ABCA9: variants seen among roughly 807,000 people sequenced by gnomAD.
ABCA9 encodes the protein ATP-binding cassette sub-family A member 9.
ABCA9 carries 183 observed loss-of-function variants against 205.3 expected under a neutral mutation model. The ratio of observed to expected loss-of-function variants is 0.89; its 90% CI spans 0.79 to 1.01. ABCA9 has a LOEUF of 1.01. ABCA9 is among the 50% of genes least tolerant of loss of function. ABCA9 has a pLI of 0.00. For synonymous variants in ABCA9, 651 were observed against 683.3 expected (o/e 0.95, Z 0.74); for missense variants, 1,805 against 1,912.4 (o/e 0.94, Z 1.05).
At chr17:68,992,315 G>T (rs2069478840) in intron 27 of ABCA9, 49 bp from the exon 28 acceptor site, 5 of 1,152,630 alleles carry the variant, frequency 4.3e-6, no homozygotes, top group African/African-American at 1.6e-5. Flanking sequence ...TAAATGCAAT[G>T]ATTTCAATAT....
intron 22 of ABCA9, among the ~76,000 whole-genome samples, chr17:69,014,719 T>C (rs1307999133): frequency 6.6e-6 from 1 of 152,046 alleles, no homozygotes; most frequent in Non-Finnish European, 1.5e-5. Flanking sequence ...TCAGGCAGCA[T>C]GCAAGAAGCA....
At chr17:69,078,056 A>C in the ABCA9 span, among the ~76,000 whole-genome samples, 4 of 152,118 alleles carry the variant, frequency 2.6e-5, no homozygotes, top group African/African-American at 9.7e-5. Flanking sequence ...TGTTGTTAAG[A>C]GTATGCAAAA....
In ABCA9 at chr17:68,996,000, C is replaced by T. The variant is rs780684851; in HGVS notation, c.3450G>A (p.Ser1150=). The change falls in exon 26 of 39, where the codon TCG becomes TCA. Residue 1150 remains serine, a synonymous_variant. Coordinates refer to ENST00000340001, the MANE Select transcript of ABCA9 (RefSeq NM_080283.4). The part of the protein sequence containing the change: ...SFFFLIVVIF[S]IVATDLNEYG... ...ATTCATTTAGATCAGTAGCAACTAT[C>T]GAGAAGATGACCACCTAAAACAAAT... 4.3e-6 allele frequency: 7 copies of T among 1,613,480 alleles called. No individual in the cohort carries two copies. Among genetic ancestry groups the T allele is most frequent in the South Asian group, 1.1e-5 (1 of 91,070 alleles).
Position 69,021,881 on chromosome 17 carries a change from C to T in ABCA9, c.2282-20G>A. 7.2e-7 allele frequency: 1 copy of T among 1,396,504 alleles called. No homozygotes were observed. The highest frequency in any genetic ancestry group is 9.7e-7 in the Non-Finnish European group (1 of 1,030,324). 86.5% of individuals were successfully genotyped at this position (1,396,504 alleles called of 1,614,324 possible). On this transcript the variant is annotated intron_variant, in intron 17 of 38. Transcript: ENST00000340001. ...AAAGTTCTAAAAGTGGATACAAAAA[C>T]AGATTATAAGAATATAATTTATAAT...
intron 16 of ABCA9, among the ~76,000 whole-genome samples, chr17:69,025,177 AAGTTG>A (rs1222406169): frequency 9.2e-5 from 14 of 152,188 alleles, no homozygotes; most frequent in African/African-American, 3.1e-4. Context: ...AGGGAGAAGG[AAGTTG>A]AGTTAACTCA....
chr17:69,037,732 G>A (rs776228900), intron 6 of ABCA9, among the ~76,000 whole-genome samples: 9 of 151,298 alleles, frequency 5.9e-5, no homozygotes, highest in Non-Finnish European at 8.9e-5. Flanking sequence ...GAACTGAAGG[G>A]GATAGAGACA....
chr17:68,989,208 T>C, intron 30 of ABCA9, 90 bp from the exon 31 acceptor site: 1 of 752,430 alleles, frequency 1.3e-6, no homozygotes, highest in Non-Finnish European at 2.4e-6. Flanking sequence ...TCAAGTGCTA[T>C]GTGAAATGTG....
the ABCA9 span, among the ~76,000 whole-genome samples, chr17:69,067,991 T>G: frequency 3.9e-5 from 6 of 152,342 alleles, no homozygotes; most frequent in East Asian, 1.2e-3. Flanking sequence ...GGCCAGGAAA[T>G]CTAGGCCCCA....
At chr17:68,994,374 T>G (rs926861700) in intron 26 of ABCA9, among the ~76,000 whole-genome samples, 5 of 152,188 alleles carry the variant, frequency 3.3e-5, no homozygotes, top group African/African-American at 1.2e-4. Flanking sequence ...CATATTCTTT[T>G]CTTTGTCAAA....
intron 23 of ABCA9, 147 bp from the exon 24 acceptor site, chr17:69,008,382 AC>A (rs1398708287): frequency 7.1e-6 from 5 of 699,482 alleles, no homozygotes; most frequent in Non-Finnish European, 1.2e-5. Flanking sequence ...CACTCGCCAC[AC>A]CCTTGTTCAG....
the ABCA9 span, among the ~76,000 whole-genome samples, chr17:69,067,602 AAAGAAAGAAAGAAAGAAAG>A: frequency 6.7e-3 from 305 of 45,250 alleles, 1 homozygote; most frequent in African/African-American, 0.012. Context: ...GAGAAAGAAA[AAAGAAAGAAAGAAAGAAAG>A]AAGAAAGAAA....
At position 69,035,757 on chromosome 17, in the gene ABCA9, G is replaced by T. The variant is rs749741933; in HGVS notation, c.845C>A (p.Ala282Asp). ...LMYAGFILIM[A>D]TLMALIVKSA... ...TTTTACAATAAGAGCCATTAAAGTG[G>T]CCATGATAAGGATGAAGCCAGCATA... The change falls in exon 7 of 39, where the codon GCC (alanine) becomes GAC (aspartate). Residue 282 changes from alanine (A) to aspartate (D), a missense_variant. By Grantham distance (126) the Ala-to-Asp change is moderately radical. Transcript: ENST00000340001. The T allele has an allele frequency of 3.1e-6, 5 of 1,613,624 alleles. No homozygotes were observed. The highest frequency in any genetic ancestry group is 4.2e-6 in the Non-Finnish European group (5 of 1,179,768).
chr17:69,064,947 T>C (rs1011477542), upstream of ABCA9, among the ~76,000 whole-genome samples: 1 of 152,248 alleles, frequency 6.6e-6, no homozygotes, highest in African/African-American at 2.4e-5. Flanking sequence ...CTGTTTTTGT[T>C]TATAGCTCTG....
intron 25 of ABCA9, among the ~76,000 whole-genome samples, chr17:69,006,393 T>G (rs1026231376): frequency 4.6e-5 from 7 of 152,218 alleles, no homozygotes; most frequent in Admixed American, 4.6e-4. Context: ...CACTTGAATG[T>G]CCATCAACAA....
chr17:69,059,122 A>C (rs2072157334), intron 1 of ABCA9, among the ~76,000 whole-genome samples: 1 of 152,154 alleles, frequency 6.6e-6, no homozygotes, highest in African/African-American at 2.4e-5. Context: ...CATGACAGAT[A>C]GGGATTATGG....
the ABCA9 span, among the ~76,000 whole-genome samples, chr17:69,069,278 C>T: frequency 6.6e-6 from 1 of 152,120 alleles, no homozygotes; most frequent in Admixed American, 6.5e-5. Context: ...ATCACTAGAG[C>T]CAGAAATTGG....
intron 34 of ABCA9, 128 bp from the exon 35 acceptor site, chr17:68,984,303 T>C: frequency 3.9e-6 from 5 of 1,280,824 alleles, no homozygotes; most frequent in South Asian, 1.5e-5. Flanking sequence ...AAAAGGGGTG[T>C]GTGTAGGGAT....
chr17:69,075,662 A>C, the ABCA9 span, among the ~76,000 whole-genome samples: 1 of 152,106 alleles, frequency 6.6e-6, no homozygotes, highest in African/African-American at 2.4e-5. Flanking sequence ...TATAGTTTGA[A>C]GTCAAGTAAT....
Position 69,016,340 on chromosome 17 carries a change from A to G in ABCA9, c.2952T>C (p.Pro984=), listed in dbSNP as rs779649260. 7 of 1,604,048 alleles carry G rather than the reference A, an allele frequency of 4.4e-6. No individual in the cohort carries two copies. In the East Asian group the frequency reaches 1.6e-4, roughly 37 times the overall value. ...CATTGCTAATGACATCCAGGAGGAC[A>G]GGAAAGCAATTCAGCCGTTTTGTAT... The part of the protein sequence containing the change: ...ACNTKRLNCF[P]VLLDVISNGL... Residue 984 remains proline, a synonymous_variant, in exon 22 of 39, where the codon CCT becomes CCC. Coordinates refer to ENST00000340001, the MANE Select transcript of ABCA9 (RefSeq NM_080283.4).
Sources: gnomAD v4.1 joint callset for allele counts (sites outside exome capture counted in the v4.1 genomes callset) on GRCh38, gnomAD v4.1.1 for gene constraint, MANE v1.5 for transcripts, NCBI Gene and HGNC (gene_info 2026-07-23, HGNC 2026-07-21) for gene names.